Variants in DNAJC1 observed in about 807,000 individuals in gnomAD.
The protein encoded by DNAJC1 is DnaJ heat shock protein family (Hsp40) member C1, also known as dnaJ homolog subfamily C member 1.
In DNAJC1, 58 loss-of-function variants were observed where a neutral mutation model predicts 76.6. The observed-to-expected ratio is 0.76, with a 90% CI of 0.61 to 0.94. The LOEUF (loss-of-function observed/expected upper bound fraction) is 0.94, where lower values mean the gene tolerates loss of function less well. Ranked by LOEUF, DNAJC1 falls within the 40% of genes least tolerant of loss-of-function variation. The pLI, the probability that DNAJC1 is intolerant of heterozygous loss-of-function variation, is 0.00. For missense variants in DNAJC1, 689 were observed against 677.3 expected, an observed-to-expected ratio of 1.02 and a Z score of -0.19; for synonymous variants, 258 against 267.9, an observed-to-expected ratio of 0.96 and a Z score of 0.36.
intron 1 of DNAJC1, among the ~76,000 whole-genome samples, chr10:21,932,175 A>G (rs958826589): frequency 2.6e-5 from 4 of 151,996 alleles, no homozygotes; most frequent in Non-Finnish European, 4.4e-5. Context: ...CATCTGTGCA[A>G]AAAAAAATTG....
intron 9 of DNAJC1, among the ~76,000 whole-genome samples, chr10:21,767,925 G>A (rs1834320008): frequency 6.6e-6 from 1 of 152,038 alleles, no homozygotes; most frequent in Non-Finnish European, 1.5e-5. Flanking sequence ...AACCCAGGAG[G>A]TAGAGGTTGC....
intron 7 of DNAJC1, among the ~76,000 whole-genome samples, chr10:21,885,987 G>A (rs1416489084): frequency 6.6e-6 from 1 of 151,942 alleles, no homozygotes; most frequent in Admixed American, 6.6e-5. Flanking sequence ...ACCAAAATCA[G>A]AGCTGAAATG....
At chr10:21,843,691 CTACT>C (rs1204361616) in intron 8 of DNAJC1, among the ~76,000 whole-genome samples, 1 of 151,852 alleles carries the variant, frequency 6.6e-6, no homozygotes, top group Admixed American at 6.6e-5. Flanking sequence ...TGTGCCTGGC[CTACT>C]TAGAGATTTT....
intron 6 of DNAJC1, among the ~76,000 whole-genome samples, chr10:21,915,162 C>G (rs1836931366): frequency 6.6e-6 from 1 of 152,116 alleles, no homozygotes; most frequent in African/African-American, 2.4e-5. Context: ...GAAATAATTA[C>G]TTGCATTTGT....
rs150132718 is a variant in DNAJC1 at position 21,785,799 on chromosome 10, A to G, written c.1099-19490T>C. Among the ~76,000 whole-genome samples the G allele has an allele frequency of 2.0e-5, 3 of 152,290 alleles. No individual in the cohort carries two copies. The East Asian group carries it at 5.8e-4, about 29-fold the overall frequency. ...CAGGAAATGGAAGGCAGAGAAGATG[A>G]AAAAAGATGGAAAAGGAGGAGGGGA... On this transcript the variant is annotated intron_variant, in intron 9 of 11. Transcript: ENST00000376980.
chr10:21,805,880 C>G (rs924968805), intron 9 of DNAJC1, 100 bp downstream of exon 9: 21 of 1,487,338 alleles, frequency 1.4e-5, no homozygotes, highest in Non-Finnish European at 1.9e-5. Flanking sequence ...TGTTGTATCC[C>G]CTCCCCAAAG....
chr10:21,912,617 A>ATG (rs1002583516), intron 6 of DNAJC1, among the ~76,000 whole-genome samples: 1 of 152,012 alleles, frequency 6.6e-6, no homozygotes, highest in East Asian at 1.9e-4. Flanking sequence ...AGGTTTCTGT[A>ATG]TGTGTGTGTG....
intron 8 of DNAJC1, among the ~76,000 whole-genome samples, chr10:21,878,612 T>C (rs1481234299): frequency 6.6e-6 from 1 of 152,220 alleles, no homozygotes; most frequent in Non-Finnish European, 1.5e-5. Context: ...TACCTAACTT[T>C]TTCTTAATTT....
intron 8 of DNAJC1, among the ~76,000 whole-genome samples, chr10:21,814,090 T>C (rs568929682): frequency 2.3e-4 from 35 of 152,334 alleles, no homozygotes; most frequent in African/African-American, 8.2e-4. Flanking sequence ...TCTTCCTCTT[T>C]CTGAATGAGG....
chr10:21,896,507 T>A (rs1836545372), intron 7 of DNAJC1, among the ~76,000 whole-genome samples: 2 of 152,200 alleles, frequency 1.3e-5, no homozygotes, highest in South Asian at 4.1e-4. Context: ...CCCATCATTA[T>A]AATGTGGAAG....
chr10:21,817,812 T>C (rs545642906), intron 8 of DNAJC1, among the ~76,000 whole-genome samples: 2 of 152,324 alleles, frequency 1.3e-5, no homozygotes, highest in South Asian at 4.1e-4. Flanking sequence ...TCTCTGAACA[T>C]AAATTGTGAA....
At chr10:21,953,367 T>C (rs1236804416) in intron 1 of DNAJC1, among the ~76,000 whole-genome samples, 9 of 151,928 alleles carry the variant, frequency 5.9e-5, no homozygotes, top group Admixed American at 5.9e-4. Context: ...GATAGAAATG[T>C]TTGACTCAAA....
chr10:21,954,505 C>T (rs563978159), intron 1 of DNAJC1, among the ~76,000 whole-genome samples: 11 of 152,166 alleles, frequency 7.2e-5, no homozygotes, highest in South Asian at 2.1e-4. Context: ...GAGGCAGCAT[C>T]GCCCCAAACG....
intron 8 of DNAJC1, among the ~76,000 whole-genome samples, chr10:21,867,293 A>T (rs1454696830): frequency 1.3e-5 from 2 of 152,144 alleles, no homozygotes; most frequent in Non-Finnish European, 2.9e-5. Context: ...CAAATATCCA[A>T]TATTAGGAAT....
intron 1 of DNAJC1, among the ~76,000 whole-genome samples, chr10:21,931,046 T>A (rs1837213419): frequency 6.6e-6 from 1 of 152,180 alleles, no homozygotes; most frequent in African/African-American, 2.4e-5. Context: ...ACCATTCTGA[T>A]CCCCCAATCC....
At chr10:21,975,906 AG>A (rs1027852027) in intron 1 of DNAJC1, among the ~76,000 whole-genome samples, 4 of 152,196 alleles carry the variant, frequency 2.6e-5, no homozygotes, top group Non-Finnish European at 5.9e-5. Flanking sequence ...TTTGGCCTAA[AG>A]GTTTTTTTAA....
intron 8 of DNAJC1, among the ~76,000 whole-genome samples, chr10:21,829,744 A>C (rs1352553225): frequency 6.6e-6 from 1 of 152,186 alleles, no homozygotes; most frequent in Non-Finnish European, 1.5e-5. Flanking sequence ...TTAATTTGAC[A>C]ATATTTGTTA....
Position 21,816,545 on chromosome 10 carries a change from C to CT in DNAJC1, c.979-10447dup, listed in dbSNP as rs770275203. ...CAGCAAAGAGACACTGTCTCTCTCTCTTTTTTTTTTTTTTTTTTGAGACGG... is the reference window on the plus strand; with the variant it reads ...CAGCAAAGAGACACTGTCTCTCTCTCTTTTTTTTTTTTTTTTTTTGAGACGG... On this transcript the variant is annotated intron_variant, in intron 8 of 11. Coordinates refer to ENST00000376980, the MANE Select transcript of DNAJC1 (RefSeq NM_022365.4). Among the ~76,000 whole-genome samples the CT allele has an allele frequency of 4.8e-3, 642 of 134,614 alleles. 5 individuals are homozygous for CT. Among genetic ancestry groups the CT allele is most frequent in the Middle Eastern group, 0.012 (3 of 254 alleles). 88.3% of individuals were successfully genotyped at this position (134,614 alleles called of 152,430 possible). A position where few individuals can be genotyped will look rare whatever the true frequency, so the allele number is the denominator to read the frequency against.
At chr10:21,859,696 C>A (rs996789597) in intron 8 of DNAJC1, among the ~76,000 whole-genome samples, 1 of 152,042 alleles carries the variant, frequency 6.6e-6, no homozygotes. Context: ...CATTTTACAT[C>A]AATACTTTGT....
Sources: gnomAD v4.1 joint callset for allele counts (sites outside exome capture counted in the v4.1 genomes callset) on GRCh38, gnomAD v4.1.1 for gene constraint, MANE v1.5 for transcripts, NCBI Gene and HGNC (gene_info 2026-07-23, HGNC 2026-07-21) for gene names.